NPIPB2: variants seen among roughly 807,000 people sequenced by gnomAD.
NPIPB2 encodes nuclear pore complex-interacting protein family member B2.
In NPIPB2, 27 loss-of-function variants were observed where a neutral mutation model predicts 30.8. The observed-to-expected ratio is 0.88, with a 90% CI of 0.65 to 1.21. The LOEUF is 1.21. NPIPB2 is among the 50% of genes most tolerant of loss of function. NPIPB2 has a pLI of 0.00. For missense variants in NPIPB2, 440 were observed against 446.2 expected, an observed-to-expected ratio of 0.99 and a Z score of 0.13; for synonymous variants, 147 against 162.0, an observed-to-expected ratio of 0.91 and a Z score of 0.70.
chr16:11,970,041 T>G (rs374914957), intron 1 of NPIPB2, among the ~76,000 whole-genome samples: 1 of 151,840 alleles, frequency 6.6e-6, no homozygotes. Flanking sequence ...CTAACTCATT[T>G]TAAGCACACA....
chr16:11,941,365 GA>G, intron 1 of NPIPB2: 1 of 250,460 alleles, frequency 4.0e-6, no homozygotes, highest in Middle Eastern at 1.4e-3. Context: ...AGGGGAGGGG[GA>G]GGGGAAGGGG....
chr16:11,953,364 A>G (rs959927125), intron 1 of NPIPB2, among the ~76,000 whole-genome samples: 4 of 151,090 alleles, frequency 2.6e-5, no homozygotes, highest in African/African-American at 9.8e-5. Context: ...TTTTCTTGAG[A>G]CGGAGTCTTG....
chr16:11,965,598 T>C (rs760450382), intron 1 of NPIPB2: 183 of 848,718 alleles, frequency 2.2e-4, no homozygotes, highest in Non-Finnish European at 3.0e-4. Flanking sequence ...GTGATTTTAA[T>C]GTTTATGGAA....
At chr16:11,975,828 T>C (rs771865128) in intron 1 of NPIPB2, among the ~76,000 whole-genome samples, 1 of 152,012 alleles carries the variant, frequency 6.6e-6, no homozygotes, top group African/African-American at 2.4e-5. Context: ...TGACCTCAGG[T>C]GATTCACCCA....
rs535026572 is a variant in NPIPB2 at position 11,954,832 on chromosome 16, C to T, written c.-583-12718G>A. ...CTGAGGCAGGAGAATGGTGTGAACC[C>T]GGGAGGCAGAGCTTGCAGTGAGCTG... On this transcript the variant is annotated intron_variant, in intron 1 of 5. Transcript: ENST00000538896. Among the ~76,000 whole-genome samples, 17 of 150,538 alleles carry T rather than the reference C, an allele frequency of 1.1e-4. No homozygotes were observed. The East Asian group carries it at 2.0e-3, about 17-fold the overall frequency.
At position 11,954,527 on chromosome 16, in the gene NPIPB2, G is replaced by A. The variant is rs12934607; in HGVS notation, c.-583-12413C>T. On this transcript the variant is annotated intron_variant, in intron 1 of 5. Coordinates refer to the NPIPB2 transcript ENST00000538896. ...AAAAGAATGTTAACTTTAAAAAGAC[G>A]CTTTTATGTATAATTGAGAAATAAA... Among the ~76,000 whole-genome samples the A allele has an allele frequency of 1.9e-3, 293 of 151,142 alleles. 1 individual carries two copies. Among genetic ancestry groups the A allele is most frequent in the Non-Finnish European group, 3.3e-3 (225 of 67,784 alleles).
chr16:11,970,852 A>G (rs1414362019), intron 1 of NPIPB2, among the ~76,000 whole-genome samples: 1 of 110,650 alleles, frequency 9.0e-6, no homozygotes. Flanking sequence ...GCATTTTCTT[A>G]CTCGTTTCTT....
At chr16:11,958,535 G>T (rs1302674729) in intron 1 of NPIPB2, among the ~76,000 whole-genome samples, 1 of 151,862 alleles carries the variant, frequency 6.6e-6, no homozygotes, top group East Asian at 1.9e-4. Flanking sequence ...TTTGAGACCA[G>T]CCTGGGCAAC....
intron 2 of NPIPB2, 41 bp from the exon 3 acceptor site, chr16:11,933,965 G>A (rs757768330): frequency 1.4e-6 from 2 of 1,461,810 alleles, no homozygotes; most frequent in Non-Finnish European, 9.5e-7. Context: ...GGGCACGGTG[G>A]TTCATGCGTA....
chr16:11,927,729 T>A lies in NPIPB2; in HGVS notation c.838A>T (p.Thr280Ser), dbSNP rs544179686. 5.9e-4 allele frequency: 950 copies of A among 1,599,386 alleles called. 2 individuals carry two copies. In the South Asian group the frequency reaches 9.9e-3, roughly 17 times the overall value. Residue 280 changes from threonine (T) to serine (S), a missense_variant, in exon 8 of 8, where the codon ACA (threonine) becomes TCA (serine). Thr to Ser is a moderately conservative substitution (Grantham distance 58). Transcript: ENST00000399147. ...GGAGTGAGCAGACACTCGGGAGGTG[T>A]CTTGAGGCTCAGGGAGTTATCAGTT... is the stretch of plus-strand genomic sequence containing the variant.
Position 11,935,992 on chromosome 16 carries a change from G to C in NPIPB2, c.192+1548C>G, listed in dbSNP as rs573986216. Among the ~76,000 whole-genome samples the C allele has an allele frequency of 2.1e-5, 3 of 141,330 alleles. No individual in the cohort carries two copies. The East Asian group carries it at 6.1e-4, about 29-fold the overall frequency. 92.7% of individuals were successfully genotyped at this position (141,330 alleles called of 152,430 possible). A position where few individuals can be genotyped will look rare whatever the true frequency, so the allele number is the denominator to read the frequency against. On this transcript the variant is annotated intron_variant, in intron 2 of 7. Transcript: ENST00000399147. ...CAACTGAACTTTCCTAAGTGGAATTGTTAAAAAGTGGTAAATTTAAAAACT... is the reference window on the plus strand; with the variant it reads ...CAACTGAACTTTCCTAAGTGGAATTCTTAAAAAGTGGTAAATTTAAAAACT...
upstream of NPIPB2, among the ~76,000 whole-genome samples, chr16:11,946,029 AAAAAAAAGAAAAG>A (rs1247259774): frequency 1.6e-4 from 25 of 151,706 alleles, no homozygotes; most frequent in Non-Finnish European, 1.0e-4. Flanking sequence ...CTACAAAAAA[AAAAAAAAGAAAAG>A]AAAAAAAGAA....
chr16:11,966,092 CAG>C, intron 1 of NPIPB2: 1 of 1,252,346 alleles, frequency 8.0e-7, no homozygotes, highest in Non-Finnish European at 1.1e-6. Context: ...GCCTGGGCAA[CAG>C]AGCAAGACTT....
chr16:11,965,974 G>A (rs928517365), intron 1 of NPIPB2, among the ~76,000 whole-genome samples: 1 of 152,124 alleles, frequency 6.6e-6, no homozygotes, highest in African/African-American at 2.4e-5. Context: ...AGCTGGGCAT[G>A]GTGGCACAGG....
chr16:11,950,311 C>T (rs910168451), intron 1 of NPIPB2, among the ~76,000 whole-genome samples: 10 of 152,266 alleles, frequency 6.6e-5, no homozygotes, highest in African/African-American at 2.4e-4. Context: ...GCTGGGATTA[C>T]AGGCATGAGC....
intron 1 of NPIPB2, chr16:11,965,517 T>C: frequency 6.6e-7 from 1 of 1,525,770 alleles, no homozygotes; most frequent in East Asian, 2.3e-5. Context: ...ATGGACTGCT[T>C]ATTCAGAGAA....
chr16:11,934,260 A>ACACACACACAC (rs1567465726), intron 2 of NPIPB2, among the ~76,000 whole-genome samples: 8 of 137,640 alleles, frequency 5.8e-5, no homozygotes, highest in African/African-American at 2.1e-4. Flanking sequence ...ACACACACAT[A>ACACACACACAC]AGAATGACAT....
At chr16:11,967,120 C>T (rs758655805) in intron 1 of NPIPB2, 2 of 197,810 alleles carry the variant, frequency 1.0e-5, no homozygotes, top group South Asian at 1.4e-4. Context: ...CCCATCTCAG[C>T]CTCCTGAGTA....
At chr16:11,963,608 T>C (rs912251037) in intron 1 of NPIPB2, among the ~76,000 whole-genome samples, 1 of 152,174 alleles carries the variant, frequency 6.6e-6, no homozygotes, top group Non-Finnish European at 1.5e-5. Context: ...GCTCCCCTTC[T>C]TCCCCACCAC....
Sources: gnomAD v4.1 joint callset for allele counts (sites outside exome capture counted in the v4.1 genomes callset) on GRCh38, gnomAD v4.1.1 for gene constraint, MANE v1.5 for transcripts, NCBI Gene and HGNC (gene_info 2026-07-23, HGNC 2026-07-21) for gene names.